Variants in CSMD1 observed in about 807,000 individuals in gnomAD.
CSMD1 encodes the protein CUB and sushi domain-containing protein 1.
Under a neutral mutation model 417.5 loss-of-function variants are expected in CSMD1, and 213 were observed. The ratio of observed to expected loss-of-function variants is 0.51; its 90% CI spans 0.46 to 0.57. The LOEUF is 0.57. CSMD1 is among the 20% of genes least tolerant of loss of function. The pLI, the probability that CSMD1 is intolerant of heterozygous loss-of-function variation, is 0.00. For synonymous variants in CSMD1, 2,862 were observed against 1,736.8 expected (o/e 1.65, Z -16.11); for missense variants, 6,923 against 4,529.7 (o/e 1.53, Z -15.17).
intron 5 of CSMD1, among the ~76,000 whole-genome samples, chr8:3,831,268 C>T (rs1802361667): frequency 6.6e-6 from 1 of 152,082 alleles, no homozygotes. Context: ...CTTAGTTATT[C>T]CTGCTCGTCA....
At chr8:3,706,275 G>T (rs549496056) in intron 7 of CSMD1, among the ~76,000 whole-genome samples, 1 of 152,204 alleles carries the variant, frequency 6.6e-6, no homozygotes, top group Admixed American at 6.5e-5. Flanking sequence ...AATTGTGTAA[G>T]CGATGACATT....
chr8:3,551,354 G>C (rs1245400645), intron 10 of CSMD1, among the ~76,000 whole-genome samples: 1 of 152,108 alleles, frequency 6.6e-6, no homozygotes, highest in East Asian at 1.9e-4. Flanking sequence ...TTTAGAGTTT[G>C]TGAGTCATTG....
At chr8:4,571,055 T>C (rs1188871852) in intron 2 of CSMD1, among the ~76,000 whole-genome samples, 2 of 152,222 alleles carry the variant, frequency 1.3e-5, no homozygotes, top group Non-Finnish European at 2.9e-5. Context: ...TTAGTCTGGC[T>C]AGCAGTCTAT....
At chr8:4,909,915 G>C (rs1021212329) in intron 1 of CSMD1, among the ~76,000 whole-genome samples, 1 of 152,162 alleles carries the variant, frequency 6.6e-6, no homozygotes, top group Non-Finnish European at 1.5e-5. Flanking sequence ...ATGAGGATGG[G>C]AGTGAGCCCT....
At chr8:2,941,134 C>T (rs632820) in intron 69 of CSMD1, among the ~76,000 whole-genome samples, 1 of 152,056 alleles carries the variant, frequency 6.6e-6, no homozygotes, top group Admixed American at 6.5e-5. Flanking sequence ...CAGATGTGCC[C>T]ATCTTTAATT....
At chr8:3,443,168 G>C (rs1407408222) in intron 12 of CSMD1, among the ~76,000 whole-genome samples, 1 of 152,120 alleles carries the variant, frequency 6.6e-6, no homozygotes, top group Non-Finnish European at 1.5e-5. Flanking sequence ...GTCACCTTCT[G>C]CTGCAAAAAA....
chr8:3,640,147 C>A (rs940099521), intron 7 of CSMD1, among the ~76,000 whole-genome samples: 1 of 152,178 alleles, frequency 6.6e-6, no homozygotes, highest in Admixed American at 6.5e-5. Context: ...TTGCGTAAGA[C>A]TTCGCTCTGA....
chr8:3,819,074 A>G (rs1801564775), intron 5 of CSMD1, among the ~76,000 whole-genome samples: 7 of 152,346 alleles, frequency 4.6e-5, no homozygotes. Flanking sequence ...GCACAGCTTC[A>G]TAGCTTAAGG....
At chr8:4,575,598 G>T (rs1220328616) in intron 2 of CSMD1, among the ~76,000 whole-genome samples, 1 of 152,162 alleles carries the variant, frequency 6.6e-6, no homozygotes, top group South Asian at 2.1e-4. Context: ...AATTCATTAT[G>T]ATATGGTAGA....
In CSMD1 at chr8:3,400,150, A is replaced by G. The variant is rs1186698868; in HGVS notation, c.2267-621T>C. On this transcript the variant is annotated intron_variant, in intron 15 of 69. Transcript: ENST00000635120. The stretch of plus-strand genomic sequence containing the variant: ...GGAGAAATAAAGTTTGAAAGGGTAT[A>G]TAATTACTGCTCAGTGAAAGTGATT... Among the ~76,000 whole-genome samples, 3 of 152,204 alleles carry G rather than the reference A, an allele frequency of 2.0e-5. No homozygotes were observed. In the East Asian group the frequency reaches 5.8e-4, roughly 29 times the overall value.
intron 1 of CSMD1, among the ~76,000 whole-genome samples, chr8:4,821,597 C>G (rs1160446645): frequency 2.0e-5 from 3 of 152,102 alleles, no homozygotes; most frequent in Non-Finnish European, 4.4e-5. Context: ...TACAGAGTCT[C>G]ATGCAGCCCT....
intron 7 of CSMD1, among the ~76,000 whole-genome samples, chr8:3,696,054 G>C (rs1337025864): frequency 2.6e-5 from 4 of 151,944 alleles, no homozygotes; most frequent in Admixed American, 2.0e-4. Context: ...AAAAAAAGCT[G>C]TTAAGATTTT....
intron 2 of CSMD1, among the ~76,000 whole-genome samples, chr8:4,470,389 A>C (rs1049367152): frequency 1.3e-5 from 2 of 152,104 alleles, no homozygotes; most frequent in Non-Finnish European, 2.9e-5. Flanking sequence ...TCTTATTTTT[A>C]TCTGTAGAAT....
intron 21 of CSMD1, among the ~76,000 whole-genome samples, chr8:3,356,725 C>T (rs1034444323): frequency 1.3e-5 from 2 of 152,098 alleles, no homozygotes; most frequent in African/African-American, 4.8e-5. Context: ...ACCGCAATTA[C>T]TTTTGCACCA....
chr8:4,600,945 C>T (rs1020390681), intron 2 of CSMD1, among the ~76,000 whole-genome samples: 2 of 144,990 alleles, frequency 1.4e-5, no homozygotes, highest in African/African-American at 5.0e-5. Context: ...AAAAATTTCC[C>T]TCTTAATTAG....
At chr8:4,258,010 C>T (rs1196410247) in intron 3 of CSMD1, among the ~76,000 whole-genome samples, 1 of 152,026 alleles carries the variant, frequency 6.6e-6, no homozygotes, top group African/African-American at 2.4e-5. Context: ...GATTAAACAA[C>T]AGACATTTAT....
intron 4 of CSMD1, among the ~76,000 whole-genome samples, chr8:4,013,284 G>C (rs995188805): frequency 1.4e-4 from 22 of 152,220 alleles, no homozygotes; most frequent in African/African-American, 5.3e-4. Flanking sequence ...CATCTGCTCA[G>C]GCCACACTGC....
chr8:4,435,057 T>G lies in CSMD1; in HGVS notation c.303-14992A>C, dbSNP rs189218374. The stretch of plus-strand genomic sequence containing the variant: ...ACTGTTGAATGTCTAATATAGTTTG[T>G]GTGTAATATATCGGTGTAATAAAAA... On this transcript the variant is annotated intron_variant, in intron 2 of 69. Transcript: ENST00000635120. Among the ~76,000 whole-genome samples the G allele has an allele frequency of 3.0e-3, 461 of 152,242 alleles. 3 individuals are homozygous for G. The highest frequency in any genetic ancestry group is 0.011 in the African/African-American group (440 of 41,566).
At chr8:3,823,184 A>G (rs1237539818) in intron 5 of CSMD1, among the ~76,000 whole-genome samples, 2 of 152,162 alleles carry the variant, frequency 1.3e-5, no homozygotes, top group Non-Finnish European at 2.9e-5. Flanking sequence ...ACCACATCAG[A>G]GAACTCACAG....
Sources: allele counts gnomAD v4.1 joint callset (sites outside exome capture counted in the v4.1 genomes callset), GRCh38; gene constraint gnomAD v4.1.1; transcripts MANE v1.5; gene names NCBI Gene and HGNC (gene_info 2026-07-23, HGNC 2026-07-21).